The following FBLN7 variants were observed in gnomAD, a reference collection of about 807,000 sequenced individuals.
FBLN7 encodes the protein fibulin-7.
A neutral mutation model predicts 44.0 loss-of-function variants in FBLN7; 31 were observed. The observed-to-expected ratio is 0.70, with a 90% CI of 0.53 to 0.95. The LOEUF (loss-of-function observed/expected upper bound fraction) is 0.95, where lower values mean the gene tolerates loss of function less well. Ranked by LOEUF, FBLN7 falls within the 40% of genes least tolerant of loss-of-function variation. The probability of loss-of-function intolerance (pLI) is 0.00; values close to 1 mark genes in which losing one functional copy is unlikely to be tolerated. For missense variants in FBLN7, 573 were observed against 618.5 expected (o/e 0.93, Z 0.78); for synonymous variants, 262 against 253.4 (o/e 1.03, Z -0.32).
the FBLN7 span, among the ~76,000 whole-genome samples, chr2:112,223,115 G>C: frequency 6.6e-6 from 1 of 152,010 alleles, no homozygotes; most frequent in African/African-American, 2.4e-5. Flanking sequence ...GTCGTGGGGT[G>C]GGGGAGTGGG....
chr2:112,160,846 G>A (rs7423860), intron 2 of FBLN7, among the ~76,000 whole-genome samples: 1,687 of 105,342 alleles, frequency 0.016, 32 homozygotes, highest in African/African-American at 0.062. Context: ...GCACGCACAC[G>A]CGCACACACA....
chr2:112,187,526 G>T lies in FBLN7; in HGVS notation c.*20G>T, dbSNP rs375651567. 1.7e-5 allele frequency: 28 copies of T among 1,610,484 alleles called. No homozygotes were observed. The East Asian group carries it at 2.2e-4, about 13-fold the overall frequency. ...TTCTGAGGGTACACAGGGGCACTGG[G>T]GTGTGGAGAGCTGACCTCATTTCTC... On this transcript the variant is annotated 3_prime_UTR_variant, in exon 8 of 8. Transcript: ENST00000331203. The surrounding 1 kb of genome is among the most constrained non-coding windows in gnomAD (Gnocchi z 5.1).
chr2:112,234,003 A>G, the FBLN7 span: 69 of 615,172 alleles, frequency 1.1e-4, no homozygotes, highest in African/African-American at 1.2e-3. Context: ...AAATTTTCTA[A>G]CTGATTTTTT....
intron 6 of FBLN7, among the ~76,000 whole-genome samples, chr2:112,184,799 CAT>C (rs967639301): frequency 9.2e-6 from 1 of 108,374 alleles, no homozygotes; most frequent in African/African-American, 3.4e-5. Flanking sequence ...ATATATATAC[CAT>C]ATATACATAT....
intron 2 of FBLN7, among the ~76,000 whole-genome samples, chr2:112,164,416 G>C (rs567123074): frequency 3.9e-4 from 59 of 152,336 alleles, no homozygotes; most frequent in South Asian, 1.2e-3. Flanking sequence ...AAGTTCGGAT[G>C]GTTACAGATA....
chr2:112,200,053 A>T, the FBLN7 span, among the ~76,000 whole-genome samples: 1 of 152,270 alleles, frequency 6.6e-6, no homozygotes, highest in Non-Finnish European at 1.5e-5. Flanking sequence ...ACAGACAAAG[A>T]CACCCCCCAT....
rs114697007 is a variant in FBLN7, at chr2:112,162,891, T to C, written c.236-2110T>C. The stretch of plus-strand genomic sequence containing the variant: ...ATTTTCCCCCAATGCATTTTAAAAC[T>C]CTTTAACGCAATAAAGTACTAGATG... On this transcript the variant is annotated intron_variant, in intron 2 of 7. Transcript: ENST00000331203. 1.8e-3 allele frequency among the ~76,000 whole-genome samples: 281 copies of C among 152,210 alleles called. 1 individual carries two copies. The highest frequency in any genetic ancestry group is 6.1e-3 in the African/African-American group (252 of 41,510).
chr2:112,203,295 G>T, the FBLN7 span, among the ~76,000 whole-genome samples: 1 of 152,156 alleles, frequency 6.6e-6, no homozygotes, highest in Non-Finnish European at 1.5e-5. Flanking sequence ...CACACACAGA[G>T]TTCCTCTATG....
At chr2:112,233,740 G>T in the FBLN7 span, among the ~76,000 whole-genome samples, 1 of 152,050 alleles carries the variant, frequency 6.6e-6, no homozygotes, top group African/African-American at 2.4e-5. Context: ...GTGGTGGCTA[G>T]CGTCTGTAGT....
At chr2:112,159,899 C>G in intron 2 of FBLN7, 64 bp downstream of exon 2, 1 of 1,361,976 alleles carries the variant, frequency 7.3e-7, no homozygotes. Flanking sequence ...CCCCGAGACG[C>G]TCCCAGCTGG....
At chr2:112,207,642 T>G in the FBLN7 span, among the ~76,000 whole-genome samples, 1 of 152,182 alleles carries the variant, frequency 6.6e-6, no homozygotes, top group Non-Finnish European at 1.5e-5. Context: ...AATTGTAAAT[T>G]TGTCTATTTC....
Position 112,155,877 on chromosome 2 carries a change from C to T in FBLN7, c.76-3799C>T, listed in dbSNP as rs540113435. On this transcript the variant is annotated intron_variant, in intron 1 of 7. Coordinates refer to ENST00000331203, the MANE Select transcript of FBLN7 (RefSeq NM_153214.3). ...CCTGCTTCCTTTACTTCCTGGAGCC[C>T]CAGGCCATCACCCCAGGTTCCTGGC... 1.1e-3 allele frequency among the ~76,000 whole-genome samples: 163 copies of T among 152,322 alleles called. 1 individual carries two copies. The highest frequency in any genetic ancestry group is 3.8e-3 in the African/African-American group (157 of 41,580).
At chr2:112,220,692 G>A in the FBLN7 span, among the ~76,000 whole-genome samples, 8 of 152,174 alleles carry the variant, frequency 5.3e-5, no homozygotes, top group African/African-American at 1.9e-4. Context: ...ATGGTGGTGC[G>A]TGCCTGTAAT....
intron 1 of FBLN7, among the ~76,000 whole-genome samples, chr2:112,141,786 G>A (rs534247020): frequency 6.6e-6 from 1 of 152,274 alleles, no homozygotes; most frequent in East Asian, 1.9e-4. Flanking sequence ...TTTGCTGCTC[G>A]GGGAATGAGG....
intron 1 of FBLN7, among the ~76,000 whole-genome samples, chr2:112,154,985 T>A (rs538576362): frequency 1.3e-5 from 2 of 152,186 alleles, no homozygotes; most frequent in Admixed American, 1.3e-4. Flanking sequence ...GTGACGTCTG[T>A]GCAAGGGAGC....
chr2:112,200,269 C>A, the FBLN7 span, among the ~76,000 whole-genome samples: 1 of 152,116 alleles, frequency 6.6e-6, no homozygotes, highest in Non-Finnish European at 1.5e-5. Flanking sequence ...GATTCTCAAG[C>A]TTGGAAATAA....
chr2:112,160,782 GCACGCA>G (rs1163839816), intron 2 of FBLN7, among the ~76,000 whole-genome samples: 1,427 of 131,448 alleles, frequency 0.011, 36 homozygotes, highest in African/African-American at 0.041. Context: ...AGACGCACAC[GCACGCA>G]CACGCACACA....
chr2:112,147,606 C>G (rs879359819), intron 1 of FBLN7, among the ~76,000 whole-genome samples: 1 of 152,204 alleles, frequency 6.6e-6, no homozygotes, highest in African/African-American at 2.4e-5. Flanking sequence ...ATTTGGCTCC[C>G]GCCTTGCTGC....
the FBLN7 span, among the ~76,000 whole-genome samples, chr2:112,193,771 T>C: frequency 6.6e-6 from 1 of 152,008 alleles, no homozygotes; most frequent in Non-Finnish European, 1.5e-5. Context: ...CTCTCCTGAG[T>C]GTTTGAATGA....
Sources: allele counts gnomAD v4.1 joint callset (sites outside exome capture counted in the v4.1 genomes callset), GRCh38; gene constraint gnomAD v4.1.1; non-coding constraint Gnocchi (gnomAD v3.1); transcripts MANE v1.5; gene names NCBI Gene and HGNC (gene_info 2026-07-23, HGNC 2026-07-21).